Variants in SCAPER observed in about 807,000 individuals in gnomAD.
SCAPER encodes the protein S-phase cyclin A associated protein in the ER.
A neutral mutation model predicts 182.2 loss-of-function variants in SCAPER; 98 were observed. The observed-to-expected ratio is 0.54, with a 90% CI of 0.46 to 0.64. The LOEUF is 0.64. Among genes scored for constraint, SCAPER ranks in the 30% least tolerant of loss-of-function variants. The pLI, the probability that SCAPER is intolerant of heterozygous loss-of-function variation, is 0.00. For missense variants in SCAPER, 1,432 were observed against 1,690.0 expected, an observed-to-expected ratio of 0.85 and a Z score of 2.68; for synonymous variants, 605 against 564.6, an observed-to-expected ratio of 1.07 and a Z score of -1.01.
chr15:76,471,249 A>C lies in SCAPER; in HGVS notation c.3041T>G (p.Ile1014Ser). The stretch of plus-strand genomic sequence containing the variant: ...TATCAGGAGGTCCATTAAGAAGGTA[A>C]TCTTGTTACTAAACAGAACATCACT... ...NCSDVLFSNK[I>S]TFLMDLLIHQ... Residue 1014 changes from isoleucine to serine, a missense_variant, in exon 25 of 32, where the codon ATT becomes AGT. By Grantham distance (142) the Ile-to-Ser change is moderately radical. This residue lies in a region of SCAPER where 718 missense variants were observed against 799.7 expected (regional missense o/e 0.90). Coordinates refer to ENST00000563290, the MANE Select transcript of SCAPER (RefSeq NM_020843.4). 1 of 1,612,342 alleles carries C rather than the reference A, an allele frequency of 6.2e-7. No individual in the cohort carries two copies. Among genetic ancestry groups the C allele is most frequent in the Non-Finnish European group, 8.5e-7 (1 of 1,179,112 alleles).
At chr15:76,638,427 T>G (rs765771395) in intron 21 of SCAPER, among the ~76,000 whole-genome samples, 10 of 152,136 alleles carry the variant, frequency 6.6e-5, no homozygotes, top group African/African-American at 9.7e-5. Flanking sequence ...GGCAGACACA[T>G]TCTGTCTTGT....
chr15:76,423,583 T>C (rs1596539845), intron 26 of SCAPER, among the ~76,000 whole-genome samples: 1 of 152,210 alleles, frequency 6.6e-6, no homozygotes, highest in South Asian at 2.1e-4. Flanking sequence ...CCTGGATTCA[T>C]TGATTTTTTG....
At chr15:76,754,440 A>G (rs2062287750) in intron 14 of SCAPER, among the ~76,000 whole-genome samples, 1 of 152,102 alleles carries the variant, frequency 6.6e-6, no homozygotes, top group African/African-American at 2.4e-5. Context: ...ATGACATCTA[A>G]CAAATCACAT....
intron 15 of SCAPER, among the ~76,000 whole-genome samples, chr15:76,737,785 T>C (rs1216285646): frequency 1.3e-5 from 2 of 152,368 alleles, no homozygotes; most frequent in East Asian, 3.9e-4. Flanking sequence ...CTTATTGCCT[T>C]ACCTTGCACT....
At chr15:76,707,729 GACA>G (rs2059331129) in intron 17 of SCAPER, among the ~76,000 whole-genome samples, 1 of 152,038 alleles carries the variant, frequency 6.6e-6, no homozygotes, top group Admixed American at 6.6e-5. Context: ...CAGAAGACCA[GACA>G]ACAATATCAA....
At chr15:76,374,618 A>AT (rs2042411085) in intron 29 of SCAPER, among the ~76,000 whole-genome samples, 1 of 150,430 alleles carries the variant, frequency 6.6e-6, no homozygotes, top group Non-Finnish European at 1.5e-5. Flanking sequence ...AGTAGCTGGG[A>AT]TTACAGGCAT....
At chr15:76,866,962 T>C (rs537542233) in intron 2 of SCAPER, among the ~76,000 whole-genome samples, 2 of 152,284 alleles carry the variant, frequency 1.3e-5, no homozygotes, top group South Asian at 2.1e-4. Context: ...AAATACTTAA[T>C]GTTTCAACTA....
rs1020526538 is a variant in SCAPER at position 76,444,337 on chromosome 15, T to G, written c.3079-10027A>C. ...CTTAGTTTTTTAGGGATGAATTAGG[T>G]GGCTGGTAGTACCACTTATAAAAGT... On this transcript the variant is annotated intron_variant, in intron 25 of 31. Transcript: ENST00000563290. Among the ~76,000 whole-genome samples, 23 of 152,190 alleles carry G rather than the reference T, an allele frequency of 1.5e-4. 1 individual carries two copies. Among genetic ancestry groups the G allele is most frequent in the Non-Finnish European group, 2.9e-5 (2 of 68,034 alleles).
At chr15:76,454,539 G>T (rs938889345) in intron 25 of SCAPER, among the ~76,000 whole-genome samples, 3 of 151,994 alleles carry the variant, frequency 2.0e-5, no homozygotes, top group African/African-American at 7.3e-5. Flanking sequence ...TTACATAAAT[G>T]TGTCCCTAGA....
chr15:76,571,182 A>G (rs758057549), intron 23 of SCAPER, among the ~76,000 whole-genome samples: 1 of 152,304 alleles, frequency 6.6e-6, no homozygotes, highest in African/African-American at 2.4e-5. Context: ...TATAAGCACA[A>G]CTTTCTAAAT....
rs776001273 is a variant in SCAPER, at chr15:76,381,524, G to A, written c.3559C>T (p.Leu1187Phe). The A allele has an allele frequency of 6.2e-7, 1 of 1,613,290 alleles. No homozygotes were observed. Among genetic ancestry groups the A allele is most frequent in the Admixed American group, 1.7e-5 (1 of 59,870 alleles). The change falls in exon 28 of 32, where the codon CTC becomes TTC. Residue 1187 changes from leucine to phenylalanine, a missense_variant. Leu to Phe is a conservative substitution (Grantham distance 22). Coordinates refer to ENST00000563290, the MANE Select transcript of SCAPER (RefSeq NM_020843.4). ...GTGCCATGGAAGAGGACACAGTAGA[G>A]CATATGAAGAACTCCAGCCAGGTCG... is the stretch of plus-strand genomic sequence containing the variant. ...ATDLAGVLHM[L>F]YCVLFHGTIL... is the part of the protein sequence containing the mutation.
intron 5 of SCAPER, among the ~76,000 whole-genome samples, chr15:76,816,713 C>T (rs905067645): frequency 2.7e-5 from 4 of 149,548 alleles, no homozygotes; most frequent in East Asian, 2.0e-4. Context: ...AGTGCAGTGG[C>T]GCTATCTCGG....
At chr15:76,804,979 CAGG>C (rs1361155808) in intron 5 of SCAPER, among the ~76,000 whole-genome samples, 1 of 152,112 alleles carries the variant, frequency 6.6e-6, no homozygotes, top group African/African-American at 2.4e-5. Context: ...GAGGCTGAGG[CAGG>C]AGAATTGCTT....
chr15:76,383,105 TACAC>T (rs77313356), intron 27 of SCAPER, among the ~76,000 whole-genome samples: 4 of 149,946 alleles, frequency 2.7e-5, no homozygotes, highest in Admixed American at 6.6e-5. Context: ...TGTGTGTAAA[TACAC>T]ACACACACAC....
chr15:76,687,776 T>G (rs902318639), intron 20 of SCAPER, among the ~76,000 whole-genome samples: 1 of 152,242 alleles, frequency 6.6e-6, no homozygotes, highest in Non-Finnish European at 1.5e-5. Flanking sequence ...GAACTCATCC[T>G]TTTTTATGGC....
chr15:76,790,672 T>C (rs1171321906), intron 8 of SCAPER, among the ~76,000 whole-genome samples: 1 of 152,164 alleles, frequency 6.6e-6, no homozygotes, highest in Admixed American at 6.5e-5. Flanking sequence ...GTGTCTTCTT[T>C]TTCTTGATCA....
intron 1 of SCAPER, among the ~76,000 whole-genome samples, chr15:76,886,086 T>C (rs1356704896): frequency 2.6e-5 from 4 of 152,192 alleles, no homozygotes; most frequent in Non-Finnish European, 5.9e-5. Flanking sequence ...CTGTTTTCCA[T>C]AAAGGGTATA....
intron 22 of SCAPER, among the ~76,000 whole-genome samples, chr15:76,588,805 T>A (rs1451954307): frequency 2.6e-5 from 4 of 151,870 alleles, no homozygotes; most frequent in Non-Finnish European, 5.9e-5. Flanking sequence ...TTGGGGGGGG[T>A]GTTAAAGAAC....
At chr15:76,464,259 C>A (rs1031489970) in intron 25 of SCAPER, among the ~76,000 whole-genome samples, 1 of 151,962 alleles carries the variant, frequency 6.6e-6, no homozygotes, top group African/African-American at 2.4e-5. Context: ...TAGAATCATG[C>A]AGTATTTCTG....
Sources: allele counts gnomAD v4.1 joint callset (sites outside exome capture counted in the v4.1 genomes callset), GRCh38; gene constraint gnomAD v4.1.1; regional missense constraint gnomAD v4.1.1; transcripts MANE v1.5; gene names NCBI Gene and HGNC (gene_info 2026-07-23, HGNC 2026-07-21).